The following STPG2 variants were observed in gnomAD, a reference collection of about 807,000 sequenced individuals.
STPG2 encodes sperm tail PG-rich repeat containing 2, also known as sperm-tail PG-rich repeat-containing protein 2.
A neutral mutation model predicts 54.2 loss-of-function variants in STPG2; 56 were observed. The observed-to-expected ratio is 1.03, with a 90% CI of 0.83 to 1.29. The LOEUF is 1.29. Ranked by LOEUF, STPG2 falls within the 50% of genes most tolerant of loss-of-function variation. The pLI is 0.00. For missense variants in STPG2, 596 were observed against 544.9 expected (o/e 1.09, Z -0.93); for synonymous variants, 200 against 181.8 (o/e 1.10, Z -0.81).
intron 8 of STPG2, among the ~76,000 whole-genome samples, chr4:97,923,110 G>A (rs539678478): frequency 1.2e-4 from 19 of 152,334 alleles, no homozygotes; most frequent in South Asian, 6.2e-4. Context: ...CGCAGCCCTC[G>A]CTCACTCTTG....
At position 97,586,936 on chromosome 4, in the gene STPG2, T is replaced by C. The variant is rs1419362183; in HGVS notation, c.1321-27819A>G. Among the ~76,000 whole-genome samples, 5 of 152,042 alleles carry C rather than the reference T, an allele frequency of 3.3e-5. No individual in the cohort carries two copies. The East Asian group carries it at 9.6e-4, about 29-fold the overall frequency. Reference sequence around the variant, plus strand: ...ACTCAATAGACTTTCCTTTTTCTCATGAGTTTTATAAATCACATTTGATGA... The same window carrying C: ...ACTCAATAGACTTTCCTTTTTCTCACGAGTTTTATAAATCACATTTGATGA... On this transcript the variant is annotated intron_variant, in intron 10 of 10. Coordinates refer to ENST00000295268, the MANE Select transcript of STPG2 (RefSeq NM_174952.3).
chr4:97,868,032 C>G (rs1729855635), intron 8 of STPG2, among the ~76,000 whole-genome samples: 1 of 151,894 alleles, frequency 6.6e-6, no homozygotes, highest in African/African-American at 2.4e-5. Context: ...CTTGAAGTAT[C>G]TGCCACACAT....
At chr4:97,854,104 G>A (rs1032263989) in intron 8 of STPG2, among the ~76,000 whole-genome samples, 3 of 152,092 alleles carry the variant, frequency 2.0e-5, no homozygotes, top group Non-Finnish European at 4.4e-5. Context: ...GGGATTATAG[G>A]CATGAGCCAC....
intron 9 of STPG2, among the ~76,000 whole-genome samples, chr4:97,828,210 G>A (rs190767033): frequency 6.6e-6 from 1 of 152,216 alleles, no homozygotes; most frequent in Admixed American, 6.5e-5. Flanking sequence ...TTGGGACTGG[G>A]TGGACAGTGG....
intron 10 of STPG2, among the ~76,000 whole-genome samples, chr4:97,590,753 A>C (rs1025676938): frequency 6.6e-6 from 1 of 152,062 alleles, no homozygotes; most frequent in Admixed American, 6.6e-5. Context: ...AATTAGAATG[A>C]TAAAGAAATT....
At chr4:97,981,833 T>TTTTATA (rs1342758103) in intron 5 of STPG2, among the ~76,000 whole-genome samples, 3 of 143,390 alleles carry the variant, frequency 2.1e-5, no homozygotes, top group African/African-American at 5.1e-5. Flanking sequence ...TATAAAATGT[T>TTTTATA]TATATATATA....
intron 4 of STPG2, among the ~76,000 whole-genome samples, chr4:97,483,004 A>G (rs1008499275): frequency 1.3e-5 from 2 of 151,778 alleles, no homozygotes; most frequent in African/African-American, 4.8e-5. Flanking sequence ...AGACAAACAA[A>G]TGCTGAGAAA....
chr4:97,992,974 C>T (rs979552409), intron 5 of STPG2, among the ~76,000 whole-genome samples: 5 of 152,110 alleles, frequency 3.3e-5, no homozygotes, highest in Non-Finnish European at 7.4e-5. Context: ...ATTCTAGGAG[C>T]TTTTTGGATG....
At chr4:98,137,649 G>A (rs1293223330) in intron 1 of STPG2, among the ~76,000 whole-genome samples, 1 of 151,604 alleles carries the variant, frequency 6.6e-6, no homozygotes, top group African/African-American at 2.4e-5. Context: ...TGAGGTAGTT[G>A]GCATCAGAAC....
chr4:98,025,609 C>G, intron 5 of STPG2: 1 of 754,266 alleles, frequency 1.3e-6, no homozygotes, highest in Non-Finnish European at 2.4e-6. Flanking sequence ...ATATAATAGT[C>G]TGTGCAGCAT....
At position 97,813,834 on chromosome 4, in the gene STPG2, T is replaced by C. The variant is rs956068114; in HGVS notation, c.1204+26939A>G. Among the ~76,000 whole-genome samples, 38 of 151,970 alleles carry C rather than the reference T, an allele frequency of 2.5e-4. 1 individual carries two copies. The highest frequency in any genetic ancestry group is 8.4e-4 in the African/African-American group (35 of 41,540). On this transcript the variant is annotated intron_variant, in intron 9 of 10. Transcript: ENST00000295268. ...TGAAAAAATACTAATGATTTCCTTTTATGGGTTGAGAAACTACAGCTCTGA... is the reference window on the plus strand; with the variant it reads ...TGAAAAAATACTAATGATTTCCTTTCATGGGTTGAGAAACTACAGCTCTGA...
chr4:97,585,116 A>C lies in STPG2; in HGVS notation c.1321-25999T>G, dbSNP rs1301771113. On this transcript the variant is annotated intron_variant, in intron 10 of 10. Transcript: ENST00000295268. ...AAAATATTCTCAAAAAAAAAAAAAAAAAAAAAAACAAAACTACAAGTTAAC... is the reference window on the plus strand; with the variant it reads ...AAAATATTCTCAAAAAAAAAAAAAACAAAAAAAACAAAACTACAAGTTAAC... Among the ~76,000 whole-genome samples the C allele has an allele frequency of 2.7e-4, 40 of 148,284 alleles. 2 individuals are homozygous for C. Among genetic ancestry groups the C allele is most frequent in the African/African-American group, 7.6e-4 (30 of 39,556 alleles).
chr4:97,755,613 A>G (rs1725702979), intron 9 of STPG2, among the ~76,000 whole-genome samples: 1 of 152,170 alleles, frequency 6.6e-6, no homozygotes, highest in Non-Finnish European at 1.5e-5. Context: ...CTGGCTCTCA[A>G]GAATAGACTG....
At chr4:98,081,070 G>C (rs777638876) in intron 5 of STPG2, among the ~76,000 whole-genome samples, 15 of 152,136 alleles carry the variant, frequency 9.9e-5, no homozygotes, top group Non-Finnish European at 1.8e-4. Flanking sequence ...TCAGCTCTGA[G>C]AGCAAGGAAA....
intron 4 of STPG2, among the ~76,000 whole-genome samples, chr4:97,541,147 G>C (rs1203926282): frequency 1.3e-5 from 2 of 152,104 alleles, no homozygotes; most frequent in Admixed American, 1.3e-4. Context: ...AGGAAATAAA[G>C]GGTATTCAAT....
intron 8 of STPG2, among the ~76,000 whole-genome samples, chr4:97,907,884 C>T (rs1387859078): frequency 2.6e-5 from 4 of 152,164 alleles, no homozygotes; most frequent in Admixed American, 6.5e-5. Context: ...GGATTAAAGA[C>T]TTAAACGTTA....
At chr4:97,492,890 C>G (rs1477920586) in intron 4 of STPG2, among the ~76,000 whole-genome samples, 1 of 149,890 alleles carries the variant, frequency 6.7e-6, no homozygotes, top group East Asian at 2.0e-4. Flanking sequence ...CATTCCTAAT[C>G]TTCTCCTGAA....
chr4:97,914,422 T>A (rs1731798000), intron 8 of STPG2, among the ~76,000 whole-genome samples: 1 of 152,174 alleles, frequency 6.6e-6, no homozygotes, highest in African/African-American at 2.4e-5. Flanking sequence ...TTTTTTAACT[T>A]TTTTTATTGT....
At chr4:97,931,034 A>T (rs947802557) in intron 8 of STPG2, among the ~76,000 whole-genome samples, 1 of 152,134 alleles carries the variant, frequency 6.6e-6, no homozygotes, top group African/African-American at 2.4e-5. Context: ...GATTGATGTT[A>T]TATCCTTAAA....
Sources: gnomAD v4.1 joint callset for allele counts (sites outside exome capture counted in the v4.1 genomes callset) on GRCh38, gnomAD v4.1.1 for gene constraint, MANE v1.5 for transcripts, NCBI Gene and HGNC (gene_info 2026-07-23, HGNC 2026-07-21) for gene names.